The following TNK2 variants were observed in gnomAD, a reference collection of about 807,000 sequenced individuals.
TNK2 encodes the protein tyrosine kinase non receptor 2.
A neutral mutation model predicts 101.8 loss-of-function variants in TNK2; 83 were observed. The ratio of observed to expected loss-of-function variants is 0.82; its 90% CI spans 0.68 to 0.98. The LOEUF is 0.98. TNK2 is among the 50% of genes least tolerant of loss of function. The pLI is 0.00. For missense variants in TNK2, 1,665 were observed against 1,483.2 expected (o/e 1.12, Z -2.01); for synonymous variants, 804 against 633.0 (o/e 1.27, Z -4.06).
Position 195,868,514 on chromosome 3 carries a change from G to T in TNK2, c.1784C>A (p.Pro595Gln). 6.4e-7 allele frequency: 1 copy of T among 1,557,036 alleles called. No homozygotes were observed. Among genetic ancestry groups the T allele is most frequent in the Non-Finnish European group, 8.6e-7 (1 of 1,160,486 alleles). Reference sequence around the variant, plus strand: ...GGAGGGCGCGCAGGGCCGTAGGGCCGGGACCACGGGCTCCTCACCGAAGTC... The same window carrying T: ...GGAGGGCGCGCAGGGCCGTAGGGCCTGGACCACGGGCTCCTCACCGAAGTC... Reference protein sequence around the residue: ...LIDFGEEPVVPALRPCAPSLA... With the variant: ...LIDFGEEPVVQALRPCAPSLA... The change falls in exon 13 of 16, where the codon CCG (proline) becomes CAG (glutamine). Residue 595 changes from proline to glutamine, a missense_variant. Pro to Gln is a moderately conservative substitution (Grantham distance 76, BLOSUM62 -1). Around this residue, in one of 3 missense-constraint regions of TNK2, gnomAD observed 1,136 missense variants for 894.9 expected, o/e 1.27. Coordinates refer to ENST00000672887, the MANE Select transcript of TNK2 (RefSeq NM_001382273.1).
At chr3:195,889,453 C>T (rs1757466936) in intron 1 of TNK2, among the ~76,000 whole-genome samples, 1 of 152,216 alleles carries the variant, frequency 6.6e-6, no homozygotes, top group South Asian at 2.1e-4. Context: ...GCTGCACAGC[C>T]ACCCGGCTCC....
intron 1 of TNK2, among the ~76,000 whole-genome samples, chr3:195,890,373 A>G (rs1757874748): frequency 6.6e-6 from 1 of 152,152 alleles, no homozygotes; most frequent in Admixed American, 6.5e-5. Flanking sequence ...AACTCAATTC[A>G]TGAAGGTGTT....
In TNK2 at chr3:195,872,524, A is replaced by ACTGGGAC. The variant is rs955602344; in HGVS notation, c.1257-61_1257-55dup. ...CCAGGCGTGGCGGGGCAGCCCCGGC[A>ACTGGGAC]CTGGGACCCTCCTCACACCCTGGCC... On this transcript the variant is annotated intron_variant, in intron 9 of 15. Transcript: ENST00000672887. 3.1e-4 allele frequency: 467 copies of ACTGGGAC among 1,526,782 alleles called. No homozygotes were observed. The Middle Eastern group carries it at 4.7e-3, about 15-fold the overall frequency. 94.6% of individuals were successfully genotyped at this position (1,526,782 alleles called of 1,614,324 possible).
At chr3:195,879,402 G>A (rs972915710) in intron 6 of TNK2, 14 of 499,724 alleles carry the variant, frequency 2.8e-5, no homozygotes, top group East Asian at 1.5e-4. Flanking sequence ...GCAGCCTGGT[G>A]GGGGAAGAGG....
At chr3:195,873,727 TG>T (rs1747106301) in intron 9 of TNK2, among the ~76,000 whole-genome samples, 1 of 151,800 alleles carries the variant, frequency 6.6e-6, no homozygotes, top group Non-Finnish European at 1.5e-5. Flanking sequence ...CCCACAGCCT[TG>T]TAAGGTGACG....
At chr3:195,895,125 G>GC in intron 1 of TNK2, 1 of 922,982 alleles carries the variant, frequency 1.1e-6, no homozygotes, top group Non-Finnish European at 1.5e-6. Flanking sequence ...CTGTCCCCTG[G>GC]CCCAGGAGCA....
intron 9 of TNK2, among the ~76,000 whole-genome samples, chr3:195,875,788 G>T (rs552970173): frequency 2.0e-4 from 30 of 152,250 alleles, no homozygotes; most frequent in African/African-American, 6.7e-4. Context: ...CAACACCTCC[G>T]CATGAACCTT....
At chr3:195,866,821 C>T in intron 15 of TNK2, 68 bp downstream of exon 15, 1 of 1,562,270 alleles carries the variant, frequency 6.4e-7, no homozygotes, top group Non-Finnish European at 8.7e-7. Flanking sequence ...GGGCTTCCTC[C>T]CAGTGTGGCA....
Position 195,896,044 on chromosome 3 carries a change from C to A in TNK2, c.-18-7438G>T, listed in dbSNP as rs758239070. The A allele has an allele frequency of 6.7e-6, 3 of 450,620 alleles. No individual in the cohort carries two copies. In the Admixed American group the frequency reaches 7.1e-5, roughly 11 times the overall value. The allele number at this position is 450,620 out of a possible 1,614,324, so 27.9% of individuals were successfully genotyped here. A position where few individuals can be genotyped will look rare whatever the true frequency, so the allele number is the denominator to read the frequency against. ...CGCCGCACGCGCTGTGCGCTGGGCA[C>A]GCACTGACCTCCTTGACTTCAGAGC... On this transcript the variant is annotated intron_variant, in intron 1 of 15. Transcript: ENST00000672887.
In TNK2 at chr3:195,879,184, G is replaced by GGC; in HGVS notation, c.888-11_888-10dup. ...GGCTCTCGGGGGCACACCTGGCAGA[G>GGC]GCAGGGGTCAAAGAGAAGCCCTCTC... is the stretch of plus-strand genomic sequence containing the variant. On this transcript the variant is annotated splice_polypyrimidine_tract_variant and intron_variant, in intron 6 of 15. Coordinates refer to ENST00000672887, the MANE Select transcript of TNK2 (RefSeq NM_001382273.1). The GGC allele has an allele frequency of 6.2e-7, 1 of 1,612,948 alleles. No individual in the cohort carries two copies. Among genetic ancestry groups the GGC allele is most frequent in the Non-Finnish European group, 8.5e-7 (1 of 1,179,964 alleles).
chr3:195,867,799 G>A lies in TNK2; in HGVS notation c.2499C>T (p.Thr833=). The A allele has an allele frequency of 6.4e-7, 1 of 1,565,662 alleles. No homozygotes were observed. Among genetic ancestry groups the A allele is most frequent in the Non-Finnish European group, 8.6e-7 (1 of 1,159,146 alleles). The change falls in exon 13 of 16, where the codon ACC becomes ACT. Residue 833 remains threonine (T), a synonymous_variant. Coordinates refer to ENST00000672887, the MANE Select transcript of TNK2 (RefSeq NM_001382273.1). ...SSSPGKTMPT[T]QSFASDPKYA... ...ACTTGGGGTCTGAGGCAAAGCTCTGGGTGGTGGGCATGGTCTTCCCAGGTG... is the reference window on the plus strand; with the variant it reads ...ACTTGGGGTCTGAGGCAAAGCTCTGAGTGGTGGGCATGGTCTTCCCAGGTG...
At chr3:195,874,428 G>T (rs1386501838) in intron 9 of TNK2, among the ~76,000 whole-genome samples, 1 of 152,360 alleles carries the variant, frequency 6.6e-6, no homozygotes, top group East Asian at 1.9e-4. Flanking sequence ...GACACCACTC[G>T]AGAAAACATG....
At position 195,868,609 on chromosome 3, in the gene TNK2, C is replaced by T; in HGVS notation, c.1689G>A (p.Leu563=). The change falls in exon 13 of 16, where the codon CTG becomes CTA. Residue 563 remains leucine (L), a synonymous_variant. Coordinates refer to ENST00000672887, the MANE Select transcript of TNK2 (RefSeq NM_001382273.1). Reference sequence around the variant, plus strand: ...CCGGCACCCGCGCCGAGGGCTTCGCCAGCCACAGCCCTCGGGGCAGGCCTG... The same window carrying T: ...CCGGCACCCGCGCCGAGGGCTTCGCTAGCCACAGCCCTCGGGGCAGGCCTG... ...RKPGLPRGLW[L]AKPSARVPGT... is the part of the protein sequence containing the mutation. 1 of 1,587,092 alleles carries T rather than the reference C, an allele frequency of 6.3e-7. No homozygotes were observed. Among genetic ancestry groups the T allele is most frequent in the Non-Finnish European group, 8.5e-7 (1 of 1,174,996 alleles).
At position 195,883,150 on chromosome 3, in the gene TNK2, T is replaced by C. The variant is rs376981838; in HGVS notation, c.609+7A>G. 33 of 1,598,432 alleles carry C rather than the reference T, an allele frequency of 2.1e-5. No homozygotes were observed. In the African/African-American group the frequency reaches 3.5e-4, roughly 17 times the overall value. On this transcript the variant is annotated splice_region_variant and intron_variant, in intron 5 of 15. Transcript: ENST00000672887. ...CCTGCCCGCCCCCTCCCGCCCGCAG[T>C]ACTCACCATCTTCATGGGCGGCGTG... is the stretch of plus-strand genomic sequence containing the variant.
intron 15 of TNK2, among the ~76,000 whole-genome samples, chr3:195,865,579 TGACA>T (rs1560462270): frequency 7.6e-6 from 1 of 131,078 alleles, no homozygotes; most frequent in Non-Finnish European, 1.6e-5. Context: ...CCCGAGACAG[TGACA>T]GACAGGTGAC....
At position 195,887,017 on chromosome 3, in the gene TNK2, C is replaced by T. The variant is rs1385750629; in HGVS notation, c.194G>A (p.Arg65Lys). 1.2e-6 allele frequency: 2 copies of T among 1,614,118 alleles called. No individual in the cohort carries two copies. The highest frequency in any genetic ancestry group is 1.7e-5 in the Admixed American group (1 of 60,012). Residue 65 changes from arginine to lysine, a missense_variant, in exon 3 of 16, where the codon AGG (arginine) becomes AAG (lysine). Around this residue, in one of 3 missense-constraint regions of TNK2, gnomAD observed 490 missense variants for 522.5 expected, o/e 0.94. Transcript: ENST00000672887. Reference sequence around the variant, plus strand: ...CTTGCGTTTGCACAAGGCCTTCCTCCTCTTCACAGCCTCCCACAGCCGCCG... The same window carrying T: ...CTTGCGTTTGCACAAGGCCTTCCTCTTCTTCACAGCCTCCCACAGCCGCCG... The part of the protein sequence containing the change: ...GQRRLWEAVK[R>K]RKALCKRKSW...
At chr3:195,879,677 G>A (rs759232751) in intron 6 of TNK2, among the ~76,000 whole-genome samples, 7 of 152,146 alleles carry the variant, frequency 4.6e-5, no homozygotes, top group South Asian at 2.1e-4. Context: ...GGGCACCCCC[G>A]GTTGAGGGGG....
Position 195,868,713 on chromosome 3 carries a change from T to C in TNK2, c.1589-4A>G, listed in dbSNP as rs1742642189. 1 of 1,551,476 alleles carries C rather than the reference T, an allele frequency of 6.4e-7. No homozygotes were observed. Among genetic ancestry groups the C allele is most frequent in the African/African-American group, 1.4e-5 (1 of 70,772 alleles). On this transcript the variant is annotated splice_polypyrimidine_tract_variant and splice_region_variant and intron_variant, in intron 12 of 15. Transcript: ENST00000672887. ...CTCACAGGGTCATAGGTTGGTTCTG[T>C]GATGGAAAGGGAGAGCCCAACAGGA...
Position 195,868,080 on chromosome 3 carries a change from G to A in TNK2, c.2218C>T (p.Pro740Ser). Reference protein sequence around the residue: ...MRQLQAPAGSPAPSPSPGGDD... With the variant: ...MRQLQAPAGSSAPSPSPGGDD... ...CCCCCCGGGCTGGGAGAGGGGGCCG[G>A]GGAGCCGGCCGGAGCCTGCAGTTGC... The change falls in exon 13 of 16, where the codon CCG (proline) becomes TCG (serine). Residue 740 changes from proline (P) to serine (S), a missense_variant. This residue lies in a region of TNK2 where 1,136 missense variants were observed against 894.9 expected (regional missense o/e 1.27). Transcript: ENST00000672887. 6.2e-7 allele frequency: 1 copy of A among 1,609,236 alleles called. No homozygotes were observed.
Sources: gnomAD v4.1 joint callset for allele counts (sites outside exome capture counted in the v4.1 genomes callset) on GRCh38, gnomAD v4.1.1 for gene constraint, gnomAD v4.1.1 regional missense constraint, MANE v1.5 for transcripts, NCBI Gene and HGNC (gene_info 2026-07-23, HGNC 2026-07-21) for gene names.